Variants in STK32B observed in about 807,000 individuals in gnomAD.
STK32B encodes the protein serine/threonine-protein kinase 32B.
STK32B carries 43 observed loss-of-function variants against 52.6 expected under a neutral mutation model. That is an observed-to-expected ratio of 0.82 (90% CI 0.64 to 1.05). The LOEUF (loss-of-function observed/expected upper bound fraction) is 1.05. Among genes scored for constraint, STK32B ranks in the 50% least tolerant of loss-of-function variants. STK32B has a pLI of 0.00. For missense variants in STK32B, 621 were observed against 534.6 expected (o/e 1.16, Z -1.59); for synonymous variants, 238 against 204.3 (o/e 1.17, Z -1.41).
intron 1 of STK32B, among the ~76,000 whole-genome samples, chr4:5,098,639 T>C (rs975763417): frequency 1.3e-5 from 2 of 152,212 alleles, no homozygotes; most frequent in African/African-American, 4.8e-5. Context: ...CTACTTAAGG[T>C]CACCATAGCT....
chr4:5,362,977 C>A (rs1734646085), intron 4 of STK32B, among the ~76,000 whole-genome samples: 1 of 152,226 alleles, frequency 6.6e-6, no homozygotes, highest in Non-Finnish European at 1.5e-5. Context: ...CCCTGCATGA[C>A]AGCTACCATG....
chr4:5,153,479 T>A (rs547299182), intron 2 of STK32B, among the ~76,000 whole-genome samples: 21 of 150,704 alleles, frequency 1.4e-4, no homozygotes, highest in East Asian at 9.6e-4. Flanking sequence ...TTTTTTTTTT[T>A]AATTTGGTAA....
intron 11 of STK32B, among the ~76,000 whole-genome samples, chr4:5,477,951 C>T (rs939423881): frequency 6.6e-6 from 1 of 152,158 alleles, no homozygotes; most frequent in Non-Finnish European, 1.5e-5. Context: ...CAGCAAACCT[C>T]ACCCTTAAGC....
intron 11 of STK32B, among the ~76,000 whole-genome samples, chr4:5,479,489 A>G (rs1476155419): frequency 6.6e-6 from 1 of 152,198 alleles, no homozygotes; most frequent in African/African-American, 2.4e-5. Flanking sequence ...CAAATATTTA[A>G]TAGTTCCAGA....
At chr4:5,231,924 A>G (rs1431193307) in intron 3 of STK32B, among the ~76,000 whole-genome samples, 1 of 152,218 alleles carries the variant, frequency 6.6e-6, no homozygotes, top group Non-Finnish European at 1.5e-5. Context: ...ATCGAGAAAG[A>G]GAGGACAAAG....
At chr4:5,498,197 C>A (rs1194874740) in intron 11 of STK32B, among the ~76,000 whole-genome samples, 1 of 152,196 alleles carries the variant, frequency 6.6e-6, no homozygotes. Context: ...CCATTCCGTT[C>A]TTGCTGCCAC....
At chr4:5,280,601 A>G (rs1297901020) in intron 3 of STK32B, among the ~76,000 whole-genome samples, 2 of 152,184 alleles carry the variant, frequency 1.3e-5, no homozygotes. Context: ...GCACTGCTAT[A>G]AAGACATACC....
chr4:5,322,889 A>G (rs1731610625), intron 3 of STK32B, among the ~76,000 whole-genome samples: 1 of 152,178 alleles, frequency 6.6e-6, no homozygotes, highest in African/African-American at 2.4e-5. Context: ...TTCATGTGTT[A>G]TCAGCATGGC....
At chr4:5,101,193 G>A (rs558761812) in intron 1 of STK32B, among the ~76,000 whole-genome samples, 2 of 152,304 alleles carry the variant, frequency 1.3e-5, no homozygotes, top group East Asian at 3.9e-4. Flanking sequence ...AATGGCATGA[G>A]CCTGATTCCA....
chr4:5,163,171 G>A (rs1044864005), intron 2 of STK32B, among the ~76,000 whole-genome samples: 1 of 152,180 alleles, frequency 6.6e-6, no homozygotes, highest in Non-Finnish European at 1.5e-5. Flanking sequence ...TGCAGGGAAG[G>A]TATTCCAGGC....
Position 5,225,431 on chromosome 4 carries a change from C to A in STK32B, c.260+56981C>A, listed in dbSNP as rs376289474. ...CGAAAAAAAATAAAATAAAATAAAACAACTAAATAAAAACTGAGGAATTTT... is the reference window on the plus strand; with the variant it reads ...CGAAAAAAAATAAAATAAAATAAAAAAACTAAATAAAAACTGAGGAATTTT... On this transcript the variant is annotated intron_variant, in intron 3 of 11. Transcript: ENST00000282908. 1.6e-3 allele frequency among the ~76,000 whole-genome samples: 245 copies of A among 152,048 alleles called. 1 individual carries two copies. Among genetic ancestry groups the A allele is most frequent in the African/African-American group, 5.6e-3 (234 of 41,490 alleles).
At chr4:5,397,567 TC>T (rs1397254499) in intron 4 of STK32B, among the ~76,000 whole-genome samples, 1 of 152,236 alleles carries the variant, frequency 6.6e-6, no homozygotes, top group African/African-American at 2.4e-5. Context: ...CAGCAAACTT[TC>T]TCCATAAAGG....
At chr4:5,442,454 T>A (rs1464537969) in intron 6 of STK32B, among the ~76,000 whole-genome samples, 1 of 151,480 alleles carries the variant, frequency 6.6e-6, no homozygotes, top group East Asian at 2.0e-4. Context: ...TTCCACTGGC[T>A]TGGTAGATCT....
intron 11 of STK32B, among the ~76,000 whole-genome samples, chr4:5,481,097 C>T (rs1409561017): frequency 6.6e-6 from 1 of 152,132 alleles, no homozygotes; most frequent in African/African-American, 2.4e-5. Context: ...GGTATATACC[C>T]AGAAGTGGAA....
rs79395470 is a variant in STK32B, at chr4:5,274,260, G to A, written c.261-56960G>A. Reference sequence around the variant, plus strand: ...TTATAAATACACAGTAATCAAGACAGTGTAGTATTGGTGCCGAGACACACA... The same window carrying A: ...TTATAAATACACAGTAATCAAGACAATGTAGTATTGGTGCCGAGACACACA... On this transcript the variant is annotated intron_variant, in intron 3 of 11. Transcript: ENST00000282908. Among the ~76,000 whole-genome samples, 1,108 of 152,328 alleles carry A rather than the reference G, an allele frequency of 7.3e-3. 13 individuals are homozygous for A. The highest frequency in any genetic ancestry group is 0.026 in the African/African-American group (1,068 of 41,580).
intron 5 of STK32B, among the ~76,000 whole-genome samples, chr4:5,406,271 C>T (rs1381647465): frequency 1.3e-5 from 2 of 152,212 alleles, no homozygotes; most frequent in Admixed American, 1.3e-4. Flanking sequence ...GCCCGTGTTG[C>T]TCTGCATGGT....
chr4:5,482,176 A>C (rs903542932), intron 11 of STK32B, among the ~76,000 whole-genome samples: 10 of 152,212 alleles, frequency 6.6e-5, no homozygotes, highest in Non-Finnish European at 1.2e-4. Flanking sequence ...TACCTTGGGC[A>C]GTATGGCCAT....
At position 5,138,696 on chromosome 4, in the gene STK32B, C is replaced by T. The variant is rs527972514; in HGVS notation, c.53-1209C>T. Among the ~76,000 whole-genome samples the T allele has an allele frequency of 1.2e-4, 19 of 152,254 alleles. No individual in the cohort carries two copies. The South Asian group carries it at 1.9e-3, about 15-fold the overall frequency. On this transcript the variant is annotated intron_variant, in intron 1 of 11. Transcript: ENST00000282908. ...AATGAAATATACAAAGGTAAAATTA[C>T]ACAAAGCGATGTATTTTGGGGAAAG...
intron 1 of STK32B, among the ~76,000 whole-genome samples, chr4:5,101,114 G>C (rs1713762357): frequency 6.6e-6 from 1 of 152,106 alleles, no homozygotes; most frequent in Admixed American, 6.6e-5. Flanking sequence ...CAACTGTGTT[G>C]CCCAAGCTGC....
Sources: allele counts gnomAD v4.1 joint callset (sites outside exome capture counted in the v4.1 genomes callset), GRCh38; gene constraint gnomAD v4.1.1; transcripts MANE v1.5; gene names NCBI Gene and HGNC (gene_info 2026-07-23, HGNC 2026-07-21).